Variants in FLNB observed in about 807,000 individuals in gnomAD.
FLNB encodes the protein filamin B.
In FLNB, 111 loss-of-function variants were observed where a neutral mutation model predicts 250.6. That is an observed-to-expected ratio of 0.44 (90% CI 0.38 to 0.52). FLNB has a LOEUF of 0.52. Among genes scored for constraint, FLNB ranks in the 20% least tolerant of loss-of-function variants. The pLI is 0.00. For missense variants in FLNB, 2,869 were observed against 3,447.8 expected, an observed-to-expected ratio of 0.83 and a Z score of 4.20; for synonymous variants, 1,302 against 1,372.1, an observed-to-expected ratio of 0.95 and a Z score of 1.13.
chr3:58,116,957 G>A (rs773070751), intron 18 of FLNB, among the ~76,000 whole-genome samples: 21 of 152,254 alleles, frequency 1.4e-4, no homozygotes, highest in African/African-American at 4.6e-4. Flanking sequence ...TGTTCTTAAC[G>A]TGGTGGTCCT....
At chr3:58,170,428 G>C (rs1211179681) in intron 45 of FLNB, 147 bp from the exon 46 acceptor site, 1 of 726,392 alleles carries the variant, frequency 1.4e-6, no homozygotes, top group East Asian at 2.7e-5. Flanking sequence ...GGCTCTATGA[G>C]CCTCTGCTTG....
chr3:58,121,134 G>A, intron 19 of FLNB, 107 bp from the exon 20 acceptor site: 1 of 1,423,484 alleles, frequency 7.0e-7, no homozygotes, highest in Non-Finnish European at 9.9e-7. Context: ...TTACAGTGGA[G>A]GCTGAGATAA....
intron 1 of FLNB, among the ~76,000 whole-genome samples, chr3:58,015,728 G>C (rs773960675): frequency 3.3e-5 from 5 of 152,088 alleles, no homozygotes; most frequent in South Asian, 2.1e-4. Flanking sequence ...TGCGTTTCCA[G>C]TCAGCTTCAG....
chr3:58,076,378 AGG>A (rs1319751342), intron 1 of FLNB, among the ~76,000 whole-genome samples: 3 of 152,220 alleles, frequency 2.0e-5, no homozygotes, highest in African/African-American at 7.2e-5. Flanking sequence ...ACAATCTGGT[AGG>A]CTGTATACTA....
At chr3:58,107,654 C>A (rs1047092377) in intron 12 of FLNB, among the ~76,000 whole-genome samples, 1 of 152,138 alleles carries the variant, frequency 6.6e-6, no homozygotes, top group African/African-American at 2.4e-5. Flanking sequence ...TTCCGTGTCT[C>A]TTAAGTTGGA....
At chr3:58,097,216 T>G (rs1353935541) in intron 6 of FLNB, among the ~76,000 whole-genome samples, 9 of 152,220 alleles carry the variant, frequency 5.9e-5, no homozygotes, top group African/African-American at 2.2e-4. Context: ...TAGCGTTCTC[T>G]TAGACTCTTA....
Position 58,123,610 on chromosome 3 carries a change from A to G in FLNB, c.3644A>G (p.His1215Arg). Reference sequence around the variant, plus strand: ...AAGTATGGTGGCGAACTCGTGCCACACTTCCCCGCCCGGGTCAAGGTGGAG... The same window carrying G: ...AAGTATGGTGGCGAACTCGTGCCACGCTTCCCCGCCCGGGTCAAGGTGGAG... ...TMKYGGELVP[H>R]FPARVKVEPA... Residue 1215 changes from histidine (H) to arginine (R), a missense_variant, in exon 21 of 46, where the codon CAC (histidine) becomes CGC (arginine). His to Arg is a conservative substitution (Grantham distance 29, BLOSUM62 0). Transcript: ENST00000295956. The G allele has an allele frequency of 1.9e-6, 3 of 1,611,998 alleles. No individual in the cohort carries two copies. Among genetic ancestry groups the G allele is most frequent in the Non-Finnish European group, 2.5e-6 (3 of 1,179,862 alleles).
chr3:58,100,932 A>G (rs2097250041), intron 8 of FLNB, among the ~76,000 whole-genome samples: 1 of 151,620 alleles, frequency 6.6e-6, no homozygotes, highest in African/African-American at 2.4e-5. Context: ...GTGGGGTCTC[A>G]CTCTGTTGTC....
chr3:58,113,442 A>G (rs948119620), intron 18 of FLNB, among the ~76,000 whole-genome samples: 2 of 152,238 alleles, frequency 1.3e-5, no homozygotes, highest in African/African-American at 4.8e-5. Flanking sequence ...CCTCTCAGCG[A>G]GGAGCAGTCA....
rs751849228 is a variant in FLNB, at chr3:58,036,925, A to G, written c.292+28069A>G. Among the ~76,000 whole-genome samples, 25 of 152,322 alleles carry G rather than the reference A, an allele frequency of 1.6e-4. No homozygotes were observed. In the South Asian group the frequency reaches 3.5e-3, roughly 21 times the overall value. On this transcript the variant is annotated intron_variant, in intron 1 of 45. Coordinates refer to ENST00000295956, the MANE Select transcript of FLNB (RefSeq NM_001457.4). ...AAGGCAGTTTCAGTTTCTCACCTGTAAACGTTGAAGACTGAGCCAGAATCA... is the reference window on the plus strand; with the variant it reads ...AAGGCAGTTTCAGTTTCTCACCTGTGAACGTTGAAGACTGAGCCAGAATCA...
rs550215379 is a variant in FLNB at position 58,032,948 on chromosome 3, C to T, written c.292+24092C>T. Among the ~76,000 whole-genome samples the T allele has an allele frequency of 3.3e-5, 5 of 152,154 alleles. 1 individual carries two copies. The highest frequency in any genetic ancestry group is 1.2e-4 in the African/African-American group (5 of 41,504). On this transcript the variant is annotated intron_variant, in intron 1 of 45. Transcript: ENST00000295956. ...AAAAGCTAGGTGTAGTGACATGCAC[C>T]TGTGGTCCCAGCTACTCAGGAGGCT... is the stretch of plus-strand genomic sequence containing the variant.
At chr3:58,035,888 G>T (rs1285364538) in intron 1 of FLNB, among the ~76,000 whole-genome samples, 3 of 152,196 alleles carry the variant, frequency 2.0e-5, no homozygotes, top group South Asian at 2.1e-4. Context: ...GCATGGGAAA[G>T]ATTTTTATTG....
Position 58,137,816 on chromosome 3 carries a change from C to T in FLNB, c.4862-466C>T, listed in dbSNP as rs139433252. ...TAGAACCTTTGCCTAGATATGCTGC[C>T]AGACACTTCTCTGAGGAACAGTTTG... On this transcript the variant is annotated intron_variant, in intron 28 of 45. Coordinates refer to ENST00000295956, the MANE Select transcript of FLNB (RefSeq NM_001457.4). Among the ~76,000 whole-genome samples, 22 of 152,266 alleles carry T rather than the reference C, an allele frequency of 1.4e-4. No homozygotes were observed. The East Asian group carries it at 4.3e-3, about 29-fold the overall frequency.
chr3:58,086,490 A>G (rs913163129), intron 4 of FLNB, among the ~76,000 whole-genome samples: 1 of 152,084 alleles, frequency 6.6e-6, no homozygotes, highest in African/African-American at 2.4e-5. Context: ...TAAACTGTGT[A>G]TCTTCTTTGC....
At chr3:58,023,373 G>C (rs893058783) in intron 1 of FLNB, among the ~76,000 whole-genome samples, 1 of 152,080 alleles carries the variant, frequency 6.6e-6, no homozygotes, top group Non-Finnish European at 1.5e-5. Context: ...GTGAGCCCCT[G>C]TGCCCAGCCT....
chr3:58,036,640 C>A (rs1480266806), intron 1 of FLNB, among the ~76,000 whole-genome samples: 1 of 152,182 alleles, frequency 6.6e-6, no homozygotes, highest in Non-Finnish European at 1.5e-5. Context: ...CAGACTCTTG[C>A]AGTTTCTGAC....
rs1363548299 is a variant in FLNB at position 58,109,217 on chromosome 3, C to T, written c.2094C>T (p.Asn698=). ...EGQRIDIQMK[N]RMDGTYACSY... ...AACGCATTGACATCCAGATGAAGAA[C>T]CGGATGGACGGCACATATGCATGCT... Residue 698 remains asparagine (N), a synonymous_variant, in exon 14 of 46, where the codon AAC becomes AAT. Transcript: ENST00000295956. The T allele has an allele frequency of 2.5e-6, 4 of 1,614,120 alleles. No homozygotes were observed. The African/African-American group carries it at 5.3e-5, about 22-fold the overall frequency.
At position 58,103,789 on chromosome 3, in the gene FLNB, A is replaced by G. The variant is rs6445945; in HGVS notation, c.1484-170A>G. On this transcript the variant is annotated intron_variant, in intron 9 of 45. Transcript: ENST00000295956. ...AGATGGCTGTGTTTTTAGCTTTGAAATAATCTCCCAGGCTTTGAGGGGAGA... is the reference window on the plus strand; with the variant it reads ...AGATGGCTGTGTTTTTAGCTTTGAAGTAATCTCCCAGGCTTTGAGGGGAGA... Among the ~76,000 whole-genome samples the G allele has an allele frequency of 0.73, 111,684 of 152,124 alleles. 42,017 individuals carry two copies. The highest frequency in any genetic ancestry group is 1 in the East Asian group (5,173 of 5,182).
chr3:58,088,270 A>G (rs1158217283), intron 4 of FLNB, among the ~76,000 whole-genome samples: 3 of 151,624 alleles, frequency 2.0e-5, no homozygotes, highest in Admixed American at 6.6e-5. Flanking sequence ...CTGGTCTCGA[A>G]CTCCTGACCT....
Sources: allele counts gnomAD v4.1 joint callset (sites outside exome capture counted in the v4.1 genomes callset), GRCh38; gene constraint gnomAD v4.1.1; transcripts MANE v1.5; gene names NCBI Gene and HGNC (gene_info 2026-07-23, HGNC 2026-07-21).